The following ACAD11 variants were observed in gnomAD, a reference collection of about 807,000 sequenced individuals.
ACAD11 encodes the protein acyl-Coenzyme A dehydrogenase family, member 11.
ACAD11 carries 83 observed loss-of-function variants against 102.2 expected under a neutral mutation model. That is an observed-to-expected ratio of 0.81 (90% CI 0.68 to 0.97). ACAD11 has a LOEUF of 0.97. Among genes scored for constraint, ACAD11 ranks in the 50% least tolerant of loss-of-function variants. The pLI is 0.00. For missense variants in ACAD11, 901 were observed against 951.7 expected, an observed-to-expected ratio of 0.95 and a Z score of 0.70; for synonymous variants, 324 against 319.8, an observed-to-expected ratio of 1.01 and a Z score of -0.14.
chr3:132,641,421 G>A (rs1293780876), intron 4 of ACAD11, among the ~76,000 whole-genome samples: 1 of 152,134 alleles, frequency 6.6e-6, no homozygotes, highest in Non-Finnish European at 1.5e-5. Context: ...GCGGGAGCCT[G>A]TAGTCCCAGC....
intron 17 of ACAD11, among the ~76,000 whole-genome samples, chr3:132,570,701 C>T (rs781230887): frequency 6.6e-6 from 1 of 152,090 alleles, no homozygotes; most frequent in Non-Finnish European, 1.5e-5. Context: ...CTGTTATTTC[C>T]CTTTATGTGT....
chr3:132,629,160 T>G (rs1268091923), intron 7 of ACAD11, among the ~76,000 whole-genome samples: 4 of 152,166 alleles, frequency 2.6e-5, no homozygotes, highest in Non-Finnish European at 5.9e-5. Flanking sequence ...ATAGTTTATG[T>G]TGTACATTAT....
intron 13 of ACAD11, among the ~76,000 whole-genome samples, chr3:132,598,251 A>C (rs1331669865): frequency 6.6e-6 from 1 of 152,244 alleles, no homozygotes; most frequent in East Asian, 1.9e-4. Flanking sequence ...TATTTTATAC[A>C]TTCCAAAACT....
At chr3:132,572,036 A>G (rs1937395764) in intron 17 of ACAD11, among the ~76,000 whole-genome samples, 1 of 152,190 alleles carries the variant, frequency 6.6e-6, no homozygotes, top group African/African-American at 2.4e-5. Context: ...CACCACTCCT[A>G]TTCAACACAG....
intron 17 of ACAD11, among the ~76,000 whole-genome samples, chr3:132,570,174 C>CA (rs1216933961): frequency 1.3e-5 from 2 of 152,172 alleles, no homozygotes; most frequent in African/African-American, 4.8e-5. Flanking sequence ...ATAAGTCCCA[C>CA]AGGCAAGCAA....
At chr3:132,616,329 G>A (rs1305053529) in intron 11 of ACAD11, among the ~76,000 whole-genome samples, 1 of 152,164 alleles carries the variant, frequency 6.6e-6, no homozygotes, top group Non-Finnish European at 1.5e-5. Context: ...TGAAAAGTGA[G>A]TTCACAGGTC....
chr3:132,569,343 G>A (rs893887001), intron 17 of ACAD11, among the ~76,000 whole-genome samples: 1 of 152,150 alleles, frequency 6.6e-6, no homozygotes, highest in East Asian at 1.9e-4. Flanking sequence ...CCATATGCTG[G>A]AGGGGATGTG....
At chr3:132,605,245 T>G in intron 11 of ACAD11, 40 bp from the exon 12 acceptor site, 1 of 1,489,136 alleles carries the variant, frequency 6.7e-7, no homozygotes, top group Non-Finnish European at 9.3e-7. Context: ...CATTTGAAAA[T>G]TTATCAGTAT....
At chr3:132,578,277 CA>C (rs1339582700) in intron 15 of ACAD11, among the ~76,000 whole-genome samples, 4 of 152,130 alleles carry the variant, frequency 2.6e-5, no homozygotes, top group Admixed American at 6.5e-5. Flanking sequence ...TTATTGTACA[CA>C]ATGAACACGT....
intron 12 of ACAD11, 61 bp downstream of exon 12, chr3:132,605,037 T>G: frequency 7.8e-7 from 1 of 1,276,606 alleles, no homozygotes; most frequent in Non-Finnish European, 1.1e-6. Flanking sequence ...TTTCTTCAGC[T>G]CATCCATAAT....
chr3:132,578,308 A>G (rs1937551435), intron 15 of ACAD11, among the ~76,000 whole-genome samples: 1 of 152,164 alleles, frequency 6.6e-6, no homozygotes. Context: ...GGTGGCAGGA[A>G]ACAAATGGAT....
chr3:132,612,927 G>A (rs980640533), intron 11 of ACAD11, among the ~76,000 whole-genome samples: 2 of 151,974 alleles, frequency 1.3e-5, no homozygotes, highest in South Asian at 2.1e-4. Flanking sequence ...ACATGCACAC[G>A]TATGTTTATT....
intron 1 of ACAD11, 101 bp from the exon 2 acceptor site, chr3:132,644,997 C>A (rs1559975959): frequency 1.5e-6 from 1 of 680,462 alleles, no homozygotes; most frequent in Non-Finnish European, 2.4e-6. Flanking sequence ...AAAATAAATT[C>A]ATCTCAATGC....
intron 13 of ACAD11, among the ~76,000 whole-genome samples, chr3:132,586,609 A>G (rs1053637620): frequency 2.0e-5 from 3 of 152,172 alleles, no homozygotes; most frequent in Non-Finnish European, 4.4e-5. Context: ...CTTATTGTCT[A>G]TATTACATCT....
At chr3:132,644,714 C>A (rs1940653061) in intron 2 of ACAD11, 83 bp downstream of exon 2, 5 of 656,034 alleles carry the variant, frequency 7.6e-6, no homozygotes, top group South Asian at 3.4e-5. Flanking sequence ...CATAAGATGC[C>A]TTTTAAAAGT....
intron 6 of ACAD11, 77 bp from the exon 7 acceptor site, chr3:132,630,635 G>T (rs1241958673): frequency 2.3e-6 from 3 of 1,316,622 alleles, no homozygotes; most frequent in Admixed American, 2.2e-5. Context: ...AGACTGAGAC[G>T]CATATGTAAA....
intron 16 of ACAD11, among the ~76,000 whole-genome samples, chr3:132,576,572 C>T (rs1420939418): frequency 2.6e-5 from 4 of 152,114 alleles, no homozygotes; most frequent in Non-Finnish European, 5.9e-5. Context: ...AAGTGTATTG[C>T]TCTGAATTAT....
intron 6 of ACAD11, 82 bp downstream of exon 6, chr3:132,631,259 T>A: frequency 1.2e-6 from 1 of 818,466 alleles, no homozygotes; most frequent in Non-Finnish European, 1.7e-6. Flanking sequence ...TATCTAAAAT[T>A]GCAAGATTTA....
In ACAD11 at chr3:132,559,908, A is replaced by T. The variant is rs1012721691; in HGVS notation, c.2153T>A (p.Val718Asp). 10 of 1,613,442 alleles carry T rather than the reference A, an allele frequency of 6.2e-6. No homozygotes were observed. Among genetic ancestry groups the T allele is most frequent in the Non-Finnish European group, 8.5e-6 (10 of 1,179,722 alleles). The change falls in exon 19 of 20, where the codon GTC (valine) becomes GAC (aspartate). Residue 718 changes from valine to aspartate, a missense_variant. By Grantham distance (152) the Val-to-Asp change is radical (BLOSUM62 -3). Coordinates refer to ENST00000264990, the MANE Select transcript of ACAD11 (RefSeq NM_032169.5). ...AMIKVAAPRA[V>D]SKIVDWAIQV... is the part of the protein sequence containing the mutation. ...GATGGCCCAGTCAACGATTTTGCTG[A>T]CAGCCCGTGGGGCAGCCACTTTGAT...
Sources: gnomAD v4.1 joint callset for allele counts (sites outside exome capture counted in the v4.1 genomes callset) on GRCh38, gnomAD v4.1.1 for gene constraint, MANE v1.5 for transcripts, NCBI Gene and HGNC (gene_info 2026-07-23, HGNC 2026-07-21) for gene names.